The following TRMT2B variants were observed in gnomAD, a reference collection of about 807,000 sequenced individuals.
TRMT2B encodes the protein tRNA methyltransferase 2B, also known as tRNA (uracil-5-)-methyltransferase homolog B.
In TRMT2B, 34 loss-of-function variants were observed where a neutral mutation model predicts 39.7. The ratio of observed to expected loss-of-function variants is 0.86; its 90% CI spans 0.65 to 1.14. The LOEUF is 1.14. Ranked by LOEUF, TRMT2B falls within the 50% of genes most tolerant of loss-of-function variation. The pLI is 0.00. For synonymous variants in TRMT2B, 132 were observed against 137.3 expected (o/e 0.96, Z 0.27); for missense variants, 318 against 377.2 (o/e 0.84, Z 1.30).
At chrX:101,025,707 C>T (rs2087031494) in intron 7 of TRMT2B, among the ~76,000 whole-genome samples, 1 of 111,701 alleles carries the variant, frequency 9.0e-6, no homozygotes, top group Non-Finnish European at 1.9e-5. Context: ...ACCTGTAATT[C>T]CAGCACTTTG....
Position 101,037,011 on chromosome X carries a change from ATTGC to A in TRMT2B, c.497_500del (p.Gly166ValfsTer25). On this transcript the variant is annotated frameshift_variant, in exon 6 of 14. Transcript: ENST00000372936. LOFTEE classifies it high-confidence loss of function. ...CCAGGTAGAACCCCACAGTCTTTGGATTGCCATCTGGACCTCGGTTCACAGAGAA... is the reference window on the plus strand; with the variant it reads ...CCAGGTAGAACCCCACAGTCTTTGGACATCTGGACCTCGGTTCACAGAGAA... The A allele has an allele frequency of 3.3e-6, 4 of 1,211,418 alleles. No homozygotes were observed. The highest frequency in any genetic ancestry group is 4.5e-6 in the Non-Finnish European group (4 of 895,291).
chrX:101,030,588 T>C (rs1391061168), intron 7 of TRMT2B, among the ~76,000 whole-genome samples: 6 of 108,000 alleles, frequency 5.6e-5, no homozygotes, highest in Non-Finnish European at 1.1e-4. Context: ...TCTGGGACTA[T>C]AGGTGCCTGC....
the TRMT2B span, among the ~76,000 whole-genome samples, chrX:100,996,233 G>A: frequency 8.9e-6 from 1 of 112,176 alleles, no homozygotes; most frequent in African/African-American, 3.2e-5. Flanking sequence ...TCTCATGGAG[G>A]TAGAGAATAG....
chrX:101,042,333 C>A (rs1343680841), intron 2 of TRMT2B, 21 bp from the exon 3 acceptor site: 2 of 1,180,269 alleles, frequency 1.7e-6, no homozygotes, highest in South Asian at 3.9e-5. Flanking sequence ...GGTACACATA[C>A]AGAGGTTGGG....
At chrX:101,008,171 A>G (rs1411246485), downstream of TRMT2B, among the ~76,000 whole-genome samples, 3 of 111,917 alleles carry the variant, frequency 2.7e-5, no homozygotes, top group Non-Finnish European at 3.8e-5. Flanking sequence ...AAGTTACCTT[A>G]TAGGTAGTTG....
chrX:100,977,691 ACTC>A, the TRMT2B span, among the ~76,000 whole-genome samples: 1 of 110,563 alleles, frequency 9.0e-6, no homozygotes, highest in Non-Finnish European at 1.9e-5. Flanking sequence ...GTGTCCTTCT[ACTC>A]TTTATCTCCA....
the TRMT2B span, among the ~76,000 whole-genome samples, chrX:100,999,172 C>T: frequency 1.7e-4 from 19 of 112,523 alleles, no homozygotes; most frequent in Admixed American, 1.4e-3. Context: ...TTGTGTGGCT[C>T]TGGGCCACAT....
intron 2 of TRMT2B, among the ~76,000 whole-genome samples, chrX:101,045,772 T>C (rs368147555): frequency 1.8e-5 from 2 of 109,437 alleles, no homozygotes; most frequent in South Asian, 7.8e-4. Flanking sequence ...CATTCCAGCC[T>C]AGGTGACAGA....
At chrX:100,973,756 TAC>T in the TRMT2B span, 2 of 1,208,117 alleles carry the variant, frequency 1.7e-6, no homozygotes, top group Non-Finnish European at 2.2e-6. Context: ...AAGGTAATAT[TAC>T]AATTATTTCC....
intron 7 of TRMT2B, among the ~76,000 whole-genome samples, chrX:101,026,062 GAGGAAGGA>G (rs1197947031): frequency 1.0e-5 from 1 of 100,402 alleles, no homozygotes; most frequent in African/African-American, 3.5e-5. Flanking sequence ...GGGAGGGAGG[GAGGAAGGA>G]AGGAAGGAAA....
intron 2 of TRMT2B, among the ~76,000 whole-genome samples, chrX:101,048,736 G>T (rs767026652): frequency 8.9e-6 from 1 of 112,418 alleles, no homozygotes; most frequent in Non-Finnish European, 1.9e-5. Flanking sequence ...CACCACATTC[G>T]GCTGGAGCCA....
chrX:101,002,578 G>A, the TRMT2B span, among the ~76,000 whole-genome samples: 2 of 110,684 alleles, frequency 1.8e-5, no homozygotes, highest in Admixed American at 9.7e-5. Context: ...TCAGGAGTTC[G>A]AAACCAGCCT....
chrX:101,041,349 G>A lies in TRMT2B; in HGVS notation c.271C>T (p.Leu91Phe), dbSNP rs201791036. 1 of 1,208,399 alleles carries A rather than the reference G, an allele frequency of 8.3e-7. No individual in the cohort carries two copies. Among genetic ancestry groups the A allele is most frequent in the Non-Finnish European group, 1.1e-6 (1 of 894,414 alleles). The change falls in exon 4 of 14, where the codon CTC (leucine) becomes TTC (phenylalanine). Residue 91 changes from leucine to phenylalanine, a missense_variant. Physicochemically the swap from Leu to Phe is conservative, Grantham distance 22 (BLOSUM62 0). Coordinates refer to ENST00000372936, the MANE Select transcript of TRMT2B (RefSeq NM_024917.6). ...TGTTCTTCATAGCTCAACCTCCAGAGTGGTGTCACAACATCAGCCAGCCTT... is the reference window on the plus strand; with the variant it reads ...TGTTCTTCATAGCTCAACCTCCAGAATGGTGTCACAACATCAGCCAGCCTT... ...QERLADVVTP[L>F]WRLSYEEQLK...
chrX:100,977,203 CACTT>C, the TRMT2B span, among the ~76,000 whole-genome samples: 2 of 110,822 alleles, frequency 1.8e-5, no homozygotes, highest in African/African-American at 6.6e-5. Context: ...TGTACTCCCT[CACTT>C]ACTCTAAATG....
chrX:101,027,298 C>T (rs1266203656), intron 7 of TRMT2B, among the ~76,000 whole-genome samples: 1 of 108,757 alleles, frequency 9.2e-6, no homozygotes, highest in Non-Finnish European at 1.9e-5. Flanking sequence ...GTGGCGCGAT[C>T]TCGGTTCACT....
At chrX:101,027,726 C>T (rs1244786553) in intron 7 of TRMT2B, among the ~76,000 whole-genome samples, 1 of 111,336 alleles carries the variant, frequency 9.0e-6, no homozygotes, top group African/African-American at 3.3e-5. Flanking sequence ...ATGCTAACAA[C>T]TCCTGGATTT....
the TRMT2B span, among the ~76,000 whole-genome samples, chrX:100,981,673 G>C: frequency 9.3e-6 from 1 of 107,775 alleles, no homozygotes; most frequent in Non-Finnish European, 1.9e-5. Flanking sequence ...GCCAGGTATG[G>C]TGACACATGC....
At chrX:101,048,107 T>TACAC (rs1556363896) in intron 2 of TRMT2B, among the ~76,000 whole-genome samples, 7 of 53,202 alleles carry the variant, frequency 1.3e-4, no homozygotes, top group East Asian at 9.1e-4. Flanking sequence ...TTTACATTTA[T>TACAC]ACACATACAC....
the TRMT2B span, among the ~76,000 whole-genome samples, chrX:100,975,631 C>CTTTTT: frequency 1.0e-5 from 1 of 97,932 alleles, no homozygotes; most frequent in Non-Finnish European, 2.1e-5. Context: ...ATTTTCTTTG[C>CTTTTT]TTTTTTTTTT....
Sources: gnomAD v4.1 joint callset for allele counts (sites outside exome capture counted in the v4.1 genomes callset) on GRCh38, gnomAD v4.1.1 for gene constraint, MANE v1.5 for transcripts, NCBI Gene and HGNC (gene_info 2026-07-23, HGNC 2026-07-21) for gene names.